Variants in VEZF1 observed in about 807,000 individuals in gnomAD.
VEZF1 encodes vascular endothelial zinc finger 1.
Under a neutral mutation model 44.1 loss-of-function variants are expected in VEZF1, and 5 were observed. The ratio of observed to expected loss-of-function variants is 0.11; its 90% confidence interval spans 0.06 to 0.24. The LOEUF (loss-of-function observed/expected upper bound fraction) is 0.24. Ranked by LOEUF, VEZF1 falls within the 10% of genes least tolerant of loss-of-function variation. The pLI is 1.00. For missense variants in VEZF1, 358 were observed against 641.8 expected, an observed-to-expected ratio of 0.56 and a Z score of 4.78; for synonymous variants, 236 against 233.1, an observed-to-expected ratio of 1.01 and a Z score of -0.11.
rs1005684726 is a variant in VEZF1, at chr17:57,983,099, T to C, written c.328A>G (p.Thr110Ala). 9.3e-6 allele frequency: 15 copies of C among 1,614,002 alleles called. No homozygotes were observed. In the African/African-American group the frequency reaches 1.6e-4, roughly 17 times the overall value. ...GTAGAGATAAGGGGAACCACCGTGG[T>C]GGGGGTTTTCTTTGGCCGGGACACC... ...KLVSRPKKTP[T>A]TVVPLISTIA... The change falls in exon 2 of 6, where the codon ACC (threonine) becomes GCC (alanine). Residue 110 changes from threonine (T) to alanine (A), a missense_variant. By Grantham distance (58) the Thr-to-Ala change is moderately conservative (BLOSUM62 0). Coordinates refer to ENST00000581208, the MANE Select transcript of VEZF1 (RefSeq NM_007146.3).
chr17:57,982,626 G>T, intron 2 of VEZF1, 73 bp downstream of exon 2: 1 of 1,417,614 alleles, frequency 7.1e-7, no homozygotes, highest in South Asian at 1.4e-5. Flanking sequence ...AAACATTCTA[G>T]ATCACATGGA....
chr17:57,984,875 A>G (rs1286794489), intron 1 of VEZF1, among the ~76,000 whole-genome samples: 1 of 152,236 alleles, frequency 6.6e-6, no homozygotes, highest in Non-Finnish European at 1.5e-5. Flanking sequence ...TCCTGGAAGC[A>G]TTCTCAGAAA....
At chr17:57,981,081 T>C (rs148744064) in intron 3 of VEZF1, among the ~76,000 whole-genome samples, 3 of 152,348 alleles carry the variant, frequency 2.0e-5, no homozygotes, top group East Asian at 3.9e-4. Flanking sequence ...TGGTGTAATG[T>C]TGAACAAGTT....
intron 3 of VEZF1, among the ~76,000 whole-genome samples, chr17:57,981,250 T>C (rs1226947236): frequency 6.6e-6 from 1 of 152,200 alleles, no homozygotes; most frequent in Admixed American, 6.5e-5. Flanking sequence ...TTCAAATCAT[T>C]TACTTAATAA....
chr17:57,977,643 G>C (rs2075204724), intron 5 of VEZF1, among the ~76,000 whole-genome samples: 1 of 151,958 alleles, frequency 6.6e-6, no homozygotes. Context: ...TCGGGAATTC[G>C]AGACCAGCCT....
chr17:57,979,966 G>A (rs972975898), intron 4 of VEZF1, among the ~76,000 whole-genome samples: 1 of 107,504 alleles, frequency 9.3e-6, no homozygotes, highest in Admixed American at 1.2e-4. Flanking sequence ...TGAAGACTCC[G>A]TCTCAAAAAA....
intron 5 of VEZF1, among the ~76,000 whole-genome samples, chr17:57,975,973 GT>G (rs1323650654): frequency 6.6e-6 from 1 of 152,066 alleles, no homozygotes; most frequent in African/African-American, 2.4e-5. Flanking sequence ...TAATTTTTGT[GT>G]TTTTTGTAGA....
chr17:57,981,636 C>T (rs530917551), intron 3 of VEZF1, among the ~76,000 whole-genome samples: 1 of 151,954 alleles, frequency 6.6e-6, no homozygotes, highest in Admixed American at 6.5e-5. Flanking sequence ...AATACTATTG[C>T]CCAAAGAAAG....
At chr17:57,984,862 G>T (rs2075281165) in intron 1 of VEZF1, among the ~76,000 whole-genome samples, 1 of 152,188 alleles carries the variant, frequency 6.6e-6, no homozygotes, top group African/African-American at 2.4e-5. Flanking sequence ...ATCACCCTTT[G>T]AGTCCTGGAA....
At chr17:57,987,870 T>C (rs2075314642) in intron 1 of VEZF1, among the ~76,000 whole-genome samples, 1 of 151,634 alleles carries the variant, frequency 6.6e-6, no homozygotes, top group African/African-American at 2.4e-5. Flanking sequence ...CCCCGCGGCC[T>C]GCTATCTCCC....
At chr17:57,979,041 T>C in intron 5 of VEZF1, 111 bp downstream of exon 5, 1 of 1,375,698 alleles carries the variant, frequency 7.3e-7, no homozygotes, top group Admixed American at 2.2e-5. Context: ...ATTTCCATGT[T>C]TCCATTAAGC....
rs146248107 is a variant in VEZF1 at position 57,977,759 on chromosome 17, G to A, written c.1138+1393C>T. 6.3e-3 allele frequency among the ~76,000 whole-genome samples: 950 copies of A among 151,530 alleles called. 10 individuals are homozygous for A. The highest frequency in any genetic ancestry group is 0.03 in the South Asian group (144 of 4,812). On this transcript the variant is annotated intron_variant, in intron 5 of 5. Transcript: ENST00000581208. ...CTCAGGAGGCTGAGGCAGGAGAATC[G>A]CTTGAACCTGGGAGGCGGAGGTTGT...
In VEZF1 at chr17:57,974,715, T is replaced by A. The variant is rs569737296; in HGVS notation, c.1324A>T (p.Ile442Leu). 6.2e-7 allele frequency: 1 copy of A among 1,614,180 alleles called. No homozygotes were observed. Among genetic ancestry groups the A allele is most frequent in the East Asian group, 2.2e-5 (1 of 44,888 alleles). ...SAVNITSPMN[I>L]GHPVTITSPL... Reference sequence around the variant, plus strand: ...CTGGTTATAGTTACAGGATGCCCTATGTTCATTGGGCTGGTTATGTTAACT... The same window carrying A: ...CTGGTTATAGTTACAGGATGCCCTAAGTTCATTGGGCTGGTTATGTTAACT... The change falls in exon 6 of 6, where the codon ATA (isoleucine) becomes TTA (leucine). Residue 442 changes from isoleucine (I) to leucine (L), a missense_variant. Physicochemically the swap from Ile to Leu is conservative, Grantham distance 5 (BLOSUM62 2). Coordinates refer to ENST00000581208, the MANE Select transcript of VEZF1 (RefSeq NM_007146.3).
intron 1 of VEZF1, 27 bp downstream of exon 1, chr17:57,988,052 G>A (rs1598052826): frequency 4.0e-6 from 1 of 250,516 alleles, no homozygotes; most frequent in Non-Finnish European, 6.9e-6. Context: ...TGTCCCCCCC[G>A]TGCCCCCCCG....
At chr17:57,979,433 G>A in intron 4 of VEZF1, 120 bp from the exon 5 acceptor site, 1 of 1,443,978 alleles carries the variant, frequency 6.9e-7, no homozygotes, top group Non-Finnish European at 9.2e-7. Context: ...CTCTTAGTAA[G>A]TGCATCTTTT....
In VEZF1 at chr17:57,983,101, G is replaced by A. The variant is rs1406624670; in HGVS notation, c.326C>T (p.Pro109Leu). 6.2e-7 allele frequency: 1 copy of A among 1,614,082 alleles called. No individual in the cohort carries two copies. Among genetic ancestry groups the A allele is most frequent in the Admixed American group, 1.7e-5 (1 of 60,008 alleles). The stretch of plus-strand genomic sequence containing the variant: ...AGAGATAAGGGGAACCACCGTGGTG[G>A]GGGTTTTCTTTGGCCGGGACACCAA... The part of the protein sequence containing the change: ...IKLVSRPKKT[P>L]TTVVPLISTI... The change falls in exon 2 of 6, where the codon CCC becomes CTC. Residue 109 changes from proline (P) to leucine (L), a missense_variant. Pro to Leu is a moderately conservative substitution (Grantham distance 98). Coordinates refer to ENST00000581208, the MANE Select transcript of VEZF1 (RefSeq NM_007146.3).
At position 57,983,104 on chromosome 17, in the gene VEZF1, G is replaced by A; in HGVS notation, c.323C>T (p.Thr108Ile). ...GIKLVSRPKK[T>I]PTTVVPLIST... ...GATAAGGGGAACCACCGTGGTGGGG[G>A]TTTTCTTTGGCCGGGACACCAACTT... The change falls in exon 2 of 6, where the codon ACC (threonine) becomes ATC (isoleucine). Residue 108 changes from threonine (T) to isoleucine (I), a missense_variant. Transcript: ENST00000581208. The A allele has an allele frequency of 6.2e-7, 1 of 1,614,224 alleles. No individual in the cohort carries two copies.
rs747494943 is a variant in VEZF1, at chr17:57,982,992, G to A, written c.435C>T (p.Gly145=). The part of the protein sequence containing the change: ...ILSTVTTSSS[G]TNPSSSASTT... Reference sequence around the variant, plus strand: ...TGCTGGCACTGCTACTGGGGTTGGTGCCCGAGGAAGATGTAGTGACTGTTG... The same window carrying A: ...TGCTGGCACTGCTACTGGGGTTGGTACCCGAGGAAGATGTAGTGACTGTTG... Residue 145 remains glycine, a synonymous_variant, in exon 2 of 6, where the codon GGC becomes GGT. Transcript: ENST00000581208. 100 of 1,614,172 alleles carry A rather than the reference G, an allele frequency of 6.2e-5. No homozygotes were observed. The highest frequency in any genetic ancestry group is 8.3e-5 in the Non-Finnish European group (98 of 1,180,028).
intron 2 of VEZF1, 152 bp downstream of exon 2, chr17:57,982,547 G>A: frequency 1.4e-6 from 1 of 697,878 alleles, no homozygotes; most frequent in Non-Finnish European, 2.3e-6. Flanking sequence ...GTTAGACCTG[G>A]AGGTGTTAAT....
Sources: allele counts gnomAD v4.1 joint callset (sites outside exome capture counted in the v4.1 genomes callset), GRCh38; gene constraint gnomAD v4.1.1; transcripts MANE v1.5; gene names NCBI Gene and HGNC (gene_info 2026-07-23, HGNC 2026-07-21).